The following DAB1 variants were observed in gnomAD, a reference collection of about 807,000 sequenced individuals.
DAB1 encodes the protein DAB adaptor protein 1, also known as disabled homolog 1.
Under a neutral mutation model 64.6 loss-of-function variants are expected in DAB1, and 15 were observed. The ratio of observed to expected loss-of-function variants is 0.23; its 90% confidence interval spans 0.16 to 0.36. The LOEUF (loss-of-function observed/expected upper bound fraction) is 0.36. Among genes scored for constraint, DAB1 ranks in the 10% least tolerant of loss-of-function variants. The pLI, the probability that DAB1 is intolerant of heterozygous loss-of-function variation, is 1.00. For missense variants in DAB1, 596 were observed against 706.7 expected (o/e 0.84, Z 1.78); for synonymous variants, 235 against 251.9 (o/e 0.93, Z 0.64).
chr1:57,969,769 A>G (rs1645752553), intron 5 of DAB1, among the ~76,000 whole-genome samples: 1 of 152,146 alleles, frequency 6.6e-6, no homozygotes, highest in Non-Finnish European at 1.5e-5. Flanking sequence ...CCAGGATTCT[A>G]CCTAGTTATT....
chr1:57,369,345 T>C (rs1444852940), intron 1 of DAB1, among the ~76,000 whole-genome samples: 1 of 152,228 alleles, frequency 6.6e-6, no homozygotes, highest in African/African-American at 2.4e-5. Context: ...AGTATCAAGA[T>C]ATACATTCAA....
chr1:58,005,774 C>A (rs1385265726), intron 5 of DAB1, among the ~76,000 whole-genome samples: 2 of 152,074 alleles, frequency 1.3e-5, no homozygotes, highest in African/African-American at 4.8e-5. Flanking sequence ...ATGACAATAG[C>A]TCCCATTGTT....
chr1:57,734,662 A>G (rs1344853056), intron 6 of DAB1, among the ~76,000 whole-genome samples: 4 of 152,184 alleles, frequency 2.6e-5, no homozygotes, highest in African/African-American at 4.8e-5. Context: ...TTTTGGCCCT[A>G]GGAGTGTTAT....
At chr1:57,711,453 G>C (rs1314641743) in intron 6 of DAB1, among the ~76,000 whole-genome samples, 3 of 152,234 alleles carry the variant, frequency 2.0e-5, no homozygotes, top group African/African-American at 7.2e-5. Flanking sequence ...TGCTGACAGG[G>C]GGAGTGGTGG....
At chr1:57,950,996 A>G (rs961742025) in intron 5 of DAB1, among the ~76,000 whole-genome samples, 3 of 152,150 alleles carry the variant, frequency 2.0e-5, no homozygotes, top group Admixed American at 1.3e-4. Context: ...GTTCTCAGCT[A>G]TGCCAGGCTA....
At chr1:57,406,211 AG>A (rs1683627297) in intron 1 of DAB1, among the ~76,000 whole-genome samples, 1 of 152,248 alleles carries the variant, frequency 6.6e-6, no homozygotes, top group South Asian at 2.1e-4. Context: ...CCCAGAGCCC[AG>A]CACAGTATTC....
Position 57,016,105 on chromosome 1 carries a change from G to C in DAB1, c.896-674C>G, listed in dbSNP as rs1646421793. Among the ~76,000 whole-genome samples the C allele has an allele frequency of 2.0e-5, 3 of 152,266 alleles. 1 individual carries two copies. In the South Asian group the frequency reaches 6.2e-4, roughly 32 times the overall value. On this transcript the variant is annotated intron_variant, in intron 11 of 14. Coordinates refer to ENST00000371236, the MANE Select transcript of DAB1 (RefSeq NM_001365792.1). Reference sequence around the variant, plus strand: ...TGATAGTACATATTTAATATGTGGAGTATTGTACCTGACACAGGATCAACA... The same window carrying C: ...TGATAGTACATATTTAATATGTGGACTATTGTACCTGACACAGGATCAACA...
intron 6 of DAB1, among the ~76,000 whole-genome samples, chr1:57,732,448 C>A (rs1243608806): frequency 6.6e-6 from 1 of 152,110 alleles, no homozygotes; most frequent in Non-Finnish European, 1.5e-5. Flanking sequence ...GTGTTGAGAC[C>A]AATTGCTACG....
intron 3 of DAB1, among the ~76,000 whole-genome samples, chr1:58,405,253 A>G (rs1644604797): frequency 6.6e-6 from 1 of 152,156 alleles, no homozygotes; most frequent in South Asian, 2.1e-4. Flanking sequence ...TTCAGATGTC[A>G]CCCCTCAAAG....
At chr1:57,833,908 G>A (rs1433049191) in intron 1 of DAB1, among the ~76,000 whole-genome samples, 2 of 152,200 alleles carry the variant, frequency 1.3e-5, no homozygotes, top group African/African-American at 4.8e-5. Context: ...ACAATCTGAT[G>A]TGCTTGAAAG....
intron 4 of DAB1, among the ~76,000 whole-genome samples, chr1:57,073,614 A>T (rs1022988168): frequency 7.2e-5 from 11 of 152,246 alleles, no homozygotes; most frequent in Middle Eastern, 3.4e-3. Context: ...GGGTATCAGG[A>T]GGCCTGAATT....
intron 6 of DAB1, among the ~76,000 whole-genome samples, chr1:57,667,890 A>C (rs1646467303): frequency 6.6e-6 from 1 of 151,996 alleles, no homozygotes; most frequent in South Asian, 2.1e-4. Context: ...TTGGAGAGCA[A>C]GGGGAGGGAG....
intron 6 of DAB1, among the ~76,000 whole-genome samples, chr1:57,697,422 T>TAAAA (rs56655539): frequency 4.3e-4 from 25 of 57,904 alleles, no homozygotes; most frequent in Admixed American, 2.4e-3. Flanking sequence ...CTCACGTTTC[T>TAAAA]AAAAAAAAAA....
intron 3 of DAB1, among the ~76,000 whole-genome samples, chr1:58,356,120 A>T (rs1056535491): frequency 1.3e-5 from 2 of 152,194 alleles, no homozygotes; most frequent in Non-Finnish European, 1.5e-5. Context: ...AACCAGGATG[A>T]TGGCTGAGGA....
intron 6 of DAB1, among the ~76,000 whole-genome samples, chr1:57,713,208 T>G (rs1036359278): frequency 2.0e-5 from 3 of 152,158 alleles, no homozygotes; most frequent in African/African-American, 7.2e-5. Context: ...CAAATAAGCA[T>G]AACATCCTTA....
At chr1:58,111,780 T>TTC (rs937139065) in intron 5 of DAB1, among the ~76,000 whole-genome samples, 62 of 151,594 alleles carry the variant, frequency 4.1e-4, no homozygotes, top group African/African-American at 1.5e-3. Flanking sequence ...ATCAATATCA[T>TTC]TCTCTCTCTC....
chr1:57,302,711 C>T lies in DAB1; in HGVS notation c.-136-11545G>A, dbSNP rs369972041. 1.2e-4 allele frequency among the ~76,000 whole-genome samples: 18 copies of T among 152,248 alleles called. 1 individual carries two copies. The East Asian group carries it at 2.5e-3, about 21-fold the overall frequency. On this transcript the variant is annotated intron_variant, in intron 1 of 14. Coordinates refer to ENST00000371236, the MANE Select transcript of DAB1 (RefSeq NM_001365792.1). ...CTCCAACTCCTGGGTTCGAGGGATC[C>T]TCCCACCTCAACCTCCCAAGTAGCT...
chr1:58,275,333 A>G (rs1369965879), intron 4 of DAB1, among the ~76,000 whole-genome samples: 1 of 152,188 alleles, frequency 6.6e-6, no homozygotes, highest in Non-Finnish European at 1.5e-5. Flanking sequence ...GGTAAATTGG[A>G]CTACATCAAA....
At chr1:57,263,283 A>T (rs1044214501) in intron 2 of DAB1, among the ~76,000 whole-genome samples, 2 of 151,462 alleles carry the variant, frequency 1.3e-5, no homozygotes, top group African/African-American at 4.9e-5. Flanking sequence ...GCCAGGCTAA[A>T]TTTTTTTTGT....
Sources: allele counts gnomAD v4.1 joint callset (sites outside exome capture counted in the v4.1 genomes callset), GRCh38; gene constraint gnomAD v4.1.1; transcripts MANE v1.5; gene names NCBI Gene and HGNC (gene_info 2026-07-23, HGNC 2026-07-21).